Variants in HACD1 observed in about 807,000 individuals in gnomAD.
HACD1 encodes the protein 3-hydroxyacyl-CoA dehydratase 1.
Under a neutral mutation model 32.0 loss-of-function variants are expected in HACD1, and 41 were observed. The observed-to-expected ratio is 1.28, with a 90% CI of 1.00 to 1.66. The LOEUF (loss-of-function observed/expected upper bound fraction) is 1.66, where lower values mean the gene tolerates loss of function less well. Among genes scored for constraint, HACD1 ranks in the 40% most tolerant of loss-of-function variants. HACD1 has a pLI of 0.00. For synonymous variants in HACD1, 142 were observed against 139.0 expected, an observed-to-expected ratio of 1.02 and a Z score of -0.15; for missense variants, 396 against 380.1, an observed-to-expected ratio of 1.04 and a Z score of -0.35.
intron 5 of HACD1, among the ~76,000 whole-genome samples, chr10:17,598,632 CA>C (rs1834026693): frequency 6.6e-6 from 1 of 152,160 alleles, no homozygotes; most frequent in Admixed American, 6.5e-5. Context: ...ATAAAATGAA[CA>C]AGTCTATACT....
intron 6 of HACD1, among the ~76,000 whole-genome samples, chr10:17,591,401 C>G (rs1372572432): frequency 1.3e-5 from 2 of 152,116 alleles, no homozygotes; most frequent in Non-Finnish European, 1.5e-5. Flanking sequence ...ATCTAGAAGG[C>G]AGTGGGGTGC....
chr10:17,600,514 C>A (rs1208437019), intron 4 of HACD1, among the ~76,000 whole-genome samples: 4 of 151,890 alleles, frequency 2.6e-5, no homozygotes, highest in Non-Finnish European at 4.4e-5. Flanking sequence ...TTAGTAGAGA[C>A]GGGGTTTCAC....
intron 1 of HACD1, among the ~76,000 whole-genome samples, chr10:17,607,007 G>GGTCTGGCTCTAAGTATATACTGTGCCC (rs1564509891): frequency 6.6e-6 from 1 of 152,020 alleles, no homozygotes; most frequent in African/African-American, 2.4e-5. Context: ...ATGCTGTGTC[G>GGTCTGGCTCTAAGTATATACTGTGCCC]GTCTGGCTCT....
intron 6 of HACD1, among the ~76,000 whole-genome samples, chr10:17,593,278 A>G (rs575959227): frequency 1.2e-3 from 185 of 152,038 alleles, no homozygotes; most frequent in Admixed American, 4.8e-3. Flanking sequence ...TTTTAGAGCT[A>G]TCAATATTTG....
At chr10:17,613,097 GGTGTGTGTGTGTGTGTGTGTGT>G (rs56074507) in intron 1 of HACD1, among the ~76,000 whole-genome samples, 20 of 132,814 alleles carry the variant, frequency 1.5e-4, no homozygotes, top group Admixed American at 1.0e-3. Context: ...TGCAATTTGG[GGTGTGTGTGTGTGTGTGTGTGT>G]GTGTGTGTGT....
intron 1 of HACD1, among the ~76,000 whole-genome samples, chr10:17,616,492 A>G (rs1347157400): frequency 6.6e-6 from 1 of 152,078 alleles, no homozygotes; most frequent in Non-Finnish European, 1.5e-5. Context: ...CTTAACTTGC[A>G]AAGTCATACT....
At chr10:17,606,320 C>G (rs1349273107) in intron 1 of HACD1, among the ~76,000 whole-genome samples, 1 of 152,198 alleles carries the variant, frequency 6.6e-6, no homozygotes, top group Non-Finnish European at 1.5e-5. Flanking sequence ...GACCAGCTTT[C>G]TCATACTACT....
chr10:17,614,333 C>A (rs1468985895), intron 1 of HACD1, among the ~76,000 whole-genome samples: 3 of 152,124 alleles, frequency 2.0e-5, no homozygotes, highest in African/African-American at 7.2e-5. Context: ...TGCAGTGGCA[C>A]GATCTCTCAG....
chr10:17,610,915 T>C (rs1554817436), intron 1 of HACD1, among the ~76,000 whole-genome samples: 1 of 151,802 alleles, frequency 6.6e-6, no homozygotes, highest in Non-Finnish European at 1.5e-5. Flanking sequence ...AATCCAAACA[T>C]GTTAGCAAAG....
chr10:17,613,917 T>C (rs1554817761), intron 1 of HACD1, among the ~76,000 whole-genome samples: 1 of 78,440 alleles, frequency 1.3e-5, no homozygotes, highest in Admixed American at 1.1e-4. Context: ...GAGTCAGAGA[T>C]ATCAAATGCA....
chr10:17,606,877 A>T (rs1163163620), intron 1 of HACD1, among the ~76,000 whole-genome samples: 2 of 152,106 alleles, frequency 1.3e-5, no homozygotes, highest in Non-Finnish European at 2.9e-5. Flanking sequence ...ATTAACCTCA[A>T]ATCCTCACAA....
chr10:17,604,966 A>G (rs781864724), intron 1 of HACD1, among the ~76,000 whole-genome samples: 6 of 152,088 alleles, frequency 3.9e-5, no homozygotes, highest in Admixed American at 6.6e-5. Context: ...TCAGCCTCCC[A>G]AAGTGCTGGG....
At chr10:17,615,986 T>C (rs1833075315) in intron 1 of HACD1, 1 of 249,842 alleles carries the variant, frequency 4.0e-6, no homozygotes, top group Non-Finnish European at 8.3e-6. Context: ...AATAAAATAC[T>C]GTCAGGGCGG....
Position 17,603,649 on chromosome 10 carries a change from C to T in HACD1, c.395-1G>A, listed in dbSNP as rs1554816740. 1.2e-6 allele frequency: 2 copies of T among 1,612,204 alleles called. No homozygotes were observed. The highest frequency in any genetic ancestry group is 1.3e-5 in the African/African-American group (1 of 74,820). On this transcript the variant is annotated splice_acceptor_variant, in intron 3 of 6. Coordinates refer to ENST00000361271, the MANE Select transcript of HACD1 (RefSeq NM_014241.4). LOFTEE classifies it high-confidence loss of function. ...ACAATCACAGAAGTAGGTACAATTC[C>T]TTAAAAAGAAAAACAAGTGAACTAT...
At chr10:17,610,616 G>C (rs561586959) in intron 1 of HACD1, among the ~76,000 whole-genome samples, 2 of 150,056 alleles carry the variant, frequency 1.3e-5, no homozygotes, top group African/African-American at 4.9e-5. Flanking sequence ...CTGCACTCCA[G>C]AGCCAGACTC....
chr10:17,600,546 G>A (rs1354763918), intron 4 of HACD1, among the ~76,000 whole-genome samples: 7 of 151,986 alleles, frequency 4.6e-5, no homozygotes, highest in African/African-American at 7.2e-5. Context: ...GGCTGGTCTC[G>A]AATTCCTGAT....
At chr10:17,606,103 G>C (rs1554817029) in intron 1 of HACD1, among the ~76,000 whole-genome samples, 2 of 152,124 alleles carry the variant, frequency 1.3e-5, no homozygotes, top group African/African-American at 4.8e-5. Flanking sequence ...TGAGCACAGA[G>C]GCGCTGGTTG....
rs1455097522 is a variant in HACD1, at chr10:17,594,127, C to T, written c.784+78G>A. The T allele has an allele frequency of 2.6e-6, 3 of 1,164,270 alleles. No individual in the cohort carries two copies. In the East Asian group the frequency reaches 8.4e-5, roughly 32 times the overall value. The allele number at this position is 1,164,270 out of a possible 1,614,324, so 72.1% of individuals were successfully genotyped here. A position where few individuals can be genotyped will look rare whatever the true frequency, so the allele number is the denominator to read the frequency against. On this transcript the variant is annotated intron_variant, in intron 6 of 6. Coordinates refer to ENST00000361271, the MANE Select transcript of HACD1 (RefSeq NM_014241.4). ...TGTAAGCAATTATTTCTAATTATTT[C>T]CCCTTGCATATTATTATATCCTTTC... is the stretch of plus-strand genomic sequence containing the variant.
At chr10:17,601,654 C>T (rs904135793) in intron 4 of HACD1, among the ~76,000 whole-genome samples, 1 of 152,140 alleles carries the variant, frequency 6.6e-6, no homozygotes, top group Admixed American at 6.5e-5. Context: ...TATTCCCTCA[C>T]TGCCTGGAAG....
Sources: gnomAD v4.1 joint callset for allele counts (sites outside exome capture counted in the v4.1 genomes callset) on GRCh38, gnomAD v4.1.1 for gene constraint, MANE v1.5 for transcripts, NCBI Gene and HGNC (gene_info 2026-07-23, HGNC 2026-07-21) for gene names.